Variants in PTPN2 observed in about 807,000 individuals in gnomAD.
PTPN2 encodes the protein protein tyrosine phosphatase non-receptor type 2.
A neutral mutation model predicts 57.3 loss-of-function variants in PTPN2; 19 were observed. The observed-to-expected ratio is 0.33, with a 90% CI of 0.23 to 0.49. The LOEUF is 0.49. Among genes scored for constraint, PTPN2 ranks in the 20% least tolerant of loss-of-function variants. PTPN2 has a pLI of 0.99. For missense variants in PTPN2, 358 were observed against 501.1 expected (o/e 0.71, Z 2.73); for synonymous variants, 153 against 164.9 (o/e 0.93, Z 0.55).
chr18:12,881,755 T>G (rs1220069128), intron 1 of PTPN2, among the ~76,000 whole-genome samples: 1 of 152,126 alleles, frequency 6.6e-6, no homozygotes, highest in East Asian at 1.9e-4. Context: ...GTACCCCTTT[T>G]TGGGAAATAC....
chr18:12,812,668 T>C (rs2145297432), intron 7 of PTPN2, among the ~76,000 whole-genome samples: 1 of 152,276 alleles, frequency 6.6e-6, no homozygotes, highest in African/African-American at 2.4e-5. Context: ...CAGTAATCAC[T>C]TCATATGCCG....
intron 2 of PTPN2, among the ~76,000 whole-genome samples, chr18:12,856,571 T>C (rs2043596082): frequency 6.6e-6 from 1 of 152,166 alleles, no homozygotes; most frequent in Non-Finnish European, 1.5e-5. Flanking sequence ...AGGAAGAGCC[T>C]GGTCCCAATG....
In PTPN2 at chr18:12,870,332, TATATATATAC is replaced by T. The variant is rs1568168636; in HGVS notation, c.70-11088_70-11079del. ...ATACATATATATGTGTATATATATG[TATATATATAC>T]ATATATATGTGTATATATATGTGTA... On this transcript the variant is annotated intron_variant, in intron 1 of 8. Coordinates refer to ENST00000309660, the MANE Select transcript of PTPN2 (RefSeq NM_002828.4). 3.4e-3 allele frequency among the ~76,000 whole-genome samples: 230 copies of T among 67,536 alleles called. 42 individuals are homozygous for T. Among genetic ancestry groups the T allele is most frequent in the African/African-American group, 0.017 (209 of 12,216 alleles). The allele number at this position is 67,536 out of a possible 152,430, so 44.3% of individuals were successfully genotyped here. A position where few individuals can be genotyped will look rare whatever the true frequency, so the allele number is the denominator to read the frequency against.
downstream of PTPN2, chr18:12,788,268 T>C (rs1177537261): frequency 1.3e-5 from 2 of 152,488 alleles, no homozygotes; most frequent in Non-Finnish European, 2.9e-5. Flanking sequence ...AAACATACTG[T>C]ATAACGTAAA....
intron 7 of PTPN2, among the ~76,000 whole-genome samples, chr18:12,811,308 A>C (rs182599424): frequency 6.6e-6 from 1 of 152,148 alleles, no homozygotes; most frequent in Non-Finnish European, 1.5e-5. Context: ...ACACTGGTCA[A>C]TTTTTGAAGT....
intron 1 of PTPN2, 36 bp from the exon 2 acceptor site, chr18:12,859,290 TA>T (rs768163151): frequency 1.1e-5 from 15 of 1,402,132 alleles, no homozygotes; most frequent in Non-Finnish European, 1.5e-5. Flanking sequence ...ATATCCCTCT[TA>T]AATTCTCCAC....
chr18:12,857,018 G>A (rs888346946), intron 2 of PTPN2, among the ~76,000 whole-genome samples: 8 of 129,388 alleles, frequency 6.2e-5, no homozygotes, highest in African/African-American at 2.0e-4. Context: ...CCAAGATCAC[G>A]CCACTGCACT....
Position 12,826,264 on chromosome 18 carries a change from G to A in PTPN2, c.361-320C>T, listed in dbSNP as rs551581706. On this transcript the variant is annotated intron_variant, in intron 4 of 8. Coordinates refer to ENST00000309660, the MANE Select transcript of PTPN2 (RefSeq NM_002828.4). Reference sequence around the variant, plus strand: ...CTAAAAATACAAAAACTAGCTAGGCGCGATGGCGGGCGCCTGTAATCCCAG... The same window carrying A: ...CTAAAAATACAAAAACTAGCTAGGCACGATGGCGGGCGCCTGTAATCCCAG... Among the ~76,000 whole-genome samples, 39 of 152,238 alleles carry A rather than the reference G, an allele frequency of 2.6e-4. No individual in the cohort carries two copies. In the South Asian group the frequency reaches 6.0e-3, roughly 24 times the overall value.
intron 1 of PTPN2, among the ~76,000 whole-genome samples, chr18:12,870,903 C>T (rs1001334788): frequency 3.9e-5 from 6 of 151,948 alleles, no homozygotes; most frequent in South Asian, 2.1e-4. Flanking sequence ...AAAATTAAAC[C>T]GTACAAAAGG....
intron 1 of PTPN2, among the ~76,000 whole-genome samples, chr18:12,864,991 T>G (rs1315859535): frequency 6.6e-6 from 1 of 152,164 alleles, no homozygotes; most frequent in African/African-American, 2.4e-5. Context: ...GTCTCAGGAC[T>G]TCTGCTTAAG....
intron 4 of PTPN2, 28 bp downstream of exon 4, chr18:12,830,915 T>A (rs1417523238): frequency 3.4e-6 from 5 of 1,485,262 alleles, no homozygotes; most frequent in Non-Finnish European, 2.8e-6. Flanking sequence ...TACAGTATAC[T>A]AAGTTGTAAA....
chr18:12,850,926 G>A (rs1598847950), intron 2 of PTPN2, among the ~76,000 whole-genome samples: 1 of 152,066 alleles, frequency 6.6e-6, no homozygotes, highest in African/African-American at 2.4e-5. Context: ...TTTTAGTAGA[G>A]ACGAGGTTTC....
intron 1 of PTPN2, chr18:12,863,851 T>C (rs933409685): frequency 2.0e-5 from 3 of 152,182 alleles, no homozygotes; most frequent in African/African-American, 7.2e-5. Flanking sequence ...TTAATATGAT[T>C]TTTGCTCAAA....
chr18:12,837,046 C>T (rs1046526479), intron 2 of PTPN2, among the ~76,000 whole-genome samples, 155 bp from the exon 3 acceptor site: 5 of 152,102 alleles, frequency 3.3e-5, no homozygotes, highest in African/African-American at 1.2e-4. Context: ...CTATTCTCTA[C>T]TTTTTTTGTA....
chr18:12,841,111 A>C, intron 2 of PTPN2: 1 of 773,190 alleles, frequency 1.3e-6, no homozygotes, highest in South Asian at 2.2e-5. Context: ...TTTATTGCAT[A>C]AAATATTGTG....
At chr18:12,794,533 C>G (rs1176276414) in intron 8 of PTPN2, 48 bp from the exon 9 acceptor site, 5 of 1,597,658 alleles carry the variant, frequency 3.1e-6, no homozygotes, top group Non-Finnish European at 4.2e-6. Context: ...CAGAGCAGGA[C>G]TTGAGTACTC....
At chr18:12,788,609 T>G (rs1185950617), downstream of PTPN2, among the ~76,000 whole-genome samples, 1 of 151,988 alleles carries the variant, frequency 6.6e-6, no homozygotes, top group Non-Finnish European at 1.5e-5. Context: ...CTTGTCAGAC[T>G]GTTACCCTTT....
At chr18:12,870,850 T>C (rs187602004) in intron 1 of PTPN2, among the ~76,000 whole-genome samples, 1 of 152,054 alleles carries the variant, frequency 6.6e-6, no homozygotes, top group Non-Finnish European at 1.5e-5. Context: ...TATATTTATA[T>C]ACATATGCTC....
intron 5 of PTPN2, among the ~76,000 whole-genome samples, chr18:12,825,484 A>T (rs1355642153): frequency 6.6e-5 from 10 of 152,144 alleles, no homozygotes; most frequent in African/African-American, 2.4e-4. Context: ...AGTCTAAAGT[A>T]CAGCTCTACT....
Sources: allele counts gnomAD v4.1 joint callset (sites outside exome capture counted in the v4.1 genomes callset), GRCh38; gene constraint gnomAD v4.1.1; transcripts MANE v1.5; gene names NCBI Gene and HGNC (gene_info 2026-07-23, HGNC 2026-07-21).